The following SUMF1 variants were observed in gnomAD, a reference collection of about 807,000 sequenced individuals.
SUMF1 encodes the protein sulfatase modifying factor 1, also known as formylglycine-generating enzyme.
Under a neutral mutation model 47.6 loss-of-function variants are expected in SUMF1, and 48 were observed. The ratio of observed to expected loss-of-function variants is 1.01; its 90% CI spans 0.80 to 1.28. The LOEUF is 1.28. Ranked by LOEUF, SUMF1 falls within the 50% of genes most tolerant of loss-of-function variation. The pLI is 0.00. For missense variants in SUMF1, 571 were observed against 485.4 expected, an observed-to-expected ratio of 1.18 and a Z score of -1.66; for synonymous variants, 230 against 192.1, an observed-to-expected ratio of 1.20 and a Z score of -1.63.
At chr3:4,300,557 A>C (rs1697942487) in intron 8 of SUMF1, among the ~76,000 whole-genome samples, 1 of 152,224 alleles carries the variant, frequency 6.6e-6, no homozygotes, top group Non-Finnish European at 1.5e-5. Flanking sequence ...TCTCAAACCT[A>C]TTAATGCCAG....
intron 8 of SUMF1, among the ~76,000 whole-genome samples, chr3:4,170,405 C>A (rs1204782630): frequency 1.3e-5 from 2 of 152,176 alleles, no homozygotes; most frequent in Non-Finnish European, 2.9e-5. Context: ...GTATTTCTAA[C>A]AAGTTCCAAT....
intron 8 of SUMF1, among the ~76,000 whole-genome samples, chr3:4,141,615 A>G (rs558211151): frequency 2.6e-5 from 4 of 152,250 alleles, no homozygotes; most frequent in Admixed American, 1.3e-4. Flanking sequence ...GTGAGCTAAG[A>G]TCATGCCACT....
chr3:4,338,719 T>C (rs1370285172), intron 8 of SUMF1, among the ~76,000 whole-genome samples: 3 of 152,134 alleles, frequency 2.0e-5, no homozygotes, highest in Admixed American at 6.5e-5. Flanking sequence ...CTAGTACCTA[T>C]GTATATCTAG....
At chr3:4,252,373 CA>C (rs1407478616) in intron 8 of SUMF1, among the ~76,000 whole-genome samples, 4 of 142,506 alleles carry the variant, frequency 2.8e-5, no homozygotes, top group East Asian at 1.9e-4. Flanking sequence ...CACACACACA[CA>C]CACACCCCAC....
chr3:4,174,608 C>T (rs1694916632), intron 8 of SUMF1, among the ~76,000 whole-genome samples: 1 of 151,998 alleles, frequency 6.6e-6, no homozygotes, highest in Non-Finnish European at 1.5e-5. Flanking sequence ...TCTGCAGCTC[C>T]CAGCATGATC....
At chr3:4,364,455 G>A (rs950645727) in intron 8 of SUMF1, among the ~76,000 whole-genome samples, 2 of 147,216 alleles carry the variant, frequency 1.4e-5, no homozygotes, top group African/African-American at 5.0e-5. Context: ...AGTCTTGGGA[G>A]AGTGTATGTG....
chr3:4,391,842 T>TTTC (rs1700876388), intron 7 of SUMF1, among the ~76,000 whole-genome samples: 1 of 151,524 alleles, frequency 6.6e-6, no homozygotes, highest in Admixed American at 6.6e-5. Flanking sequence ...TTTTTTTTTT[T>TTTC]TTTGAGATAG....
At chr3:4,118,121 A>G (rs1294045722) in intron 8 of SUMF1, among the ~76,000 whole-genome samples, 1 of 152,040 alleles carries the variant, frequency 6.6e-6, no homozygotes, top group Non-Finnish European at 1.5e-5. Context: ...TTGCATAAGT[A>G]AATAGGACCC....
intron 8 of SUMF1, chr3:4,313,215 T>A (rs770355831): frequency 6.2e-7 from 1 of 1,613,952 alleles, no homozygotes; most frequent in Non-Finnish European, 8.5e-7. Flanking sequence ...CCTTGGAATT[T>A]ATACCGAAAG....
Position 4,035,279 on chromosome 3 carries a change from T to C in SUMF1, c.1191+33290A>G, listed in dbSNP as rs984823008. 1.2e-4 allele frequency among the ~76,000 whole-genome samples: 18 copies of C among 152,236 alleles called. 1 individual carries two copies. In the East Asian group the frequency reaches 3.5e-3, roughly 30 times the overall value. ...TGGAGGCTGGAAGTCTGAAATCAAG[T>C]GTTGGTAGGGCTAGATTCCACCTAA... On this transcript the variant is annotated intron_variant and NMD_transcript_variant, in intron 9 of 12. Transcript: ENST00000448413.
At chr3:4,136,994 A>G (rs1417751494) in intron 8 of SUMF1, among the ~76,000 whole-genome samples, 2 of 152,156 alleles carry the variant, frequency 1.3e-5, no homozygotes, top group Non-Finnish European at 2.9e-5. Context: ...GGGGATGTGG[A>G]GAAATAGGAA....
At chr3:4,066,510 A>C (rs1695378948) in intron 9 of SUMF1, among the ~76,000 whole-genome samples, 1 of 152,088 alleles carries the variant, frequency 6.6e-6, no homozygotes, top group Non-Finnish European at 1.5e-5. Flanking sequence ...TTCCTTTCTC[A>C]GGAAATCGAC....
intron 8 of SUMF1, among the ~76,000 whole-genome samples, chr3:4,342,888 C>G (rs908628424): frequency 1.3e-5 from 2 of 152,340 alleles, no homozygotes; most frequent in African/African-American, 4.8e-5. Context: ...AACCTCTTTC[C>G]TCTTTCTCCT....
chr3:4,229,171 G>T (rs2124980574), intron 8 of SUMF1: 1 of 210,080 alleles, frequency 4.8e-6, no homozygotes, highest in African/African-American at 2.4e-5. Flanking sequence ...AACACACTCT[G>T]TGTGGCCAAT....
intron 8 of SUMF1, among the ~76,000 whole-genome samples, chr3:4,340,301 C>G (rs1181714187): frequency 6.6e-6 from 1 of 152,174 alleles, no homozygotes; most frequent in Non-Finnish European, 1.5e-5. Context: ...AGCCTCAACC[C>G]ACATAACTTC....
intron 8 of SUMF1, among the ~76,000 whole-genome samples, chr3:4,277,577 T>C (rs1398518244): frequency 1.3e-5 from 2 of 151,928 alleles, no homozygotes; most frequent in South Asian, 2.1e-4. Context: ...TGAGGGAAAA[T>C]AGACACAGTA....
In SUMF1 at chr3:4,420,056, A is replaced by G. The variant is rs1701840834; in HGVS notation, c.602+8T>C. 6.2e-7 allele frequency: 1 copy of G among 1,613,588 alleles called. No homozygotes were observed. The highest frequency in any genetic ancestry group is 2.2e-5 in the East Asian group (1 of 44,872). ...CTTGTCAACTGGGGAAAGAGGGACC[A>G]GCCTCACCTGTGCAGAATAGTAGAG... is the stretch of plus-strand genomic sequence containing the variant. On this transcript the variant is annotated splice_region_variant and intron_variant, in intron 4 of 8. Coordinates refer to ENST00000272902, the MANE Select transcript of SUMF1 (RefSeq NM_182760.4).
intron 7 of SUMF1, among the ~76,000 whole-genome samples, chr3:4,408,440 C>T (rs1315679872): frequency 2.0e-5 from 3 of 152,042 alleles, no homozygotes; most frequent in Non-Finnish European, 2.9e-5. Flanking sequence ...TGTAACACTT[C>T]ATAATTAACT....
chr3:4,213,971 A>G (rs1695859880), intron 8 of SUMF1, among the ~76,000 whole-genome samples: 2 of 152,174 alleles, frequency 1.3e-5, no homozygotes, highest in South Asian at 4.1e-4. Flanking sequence ...GGAGACTTAA[A>G]CATCCCACTG....
Sources: gnomAD v4.1 joint callset for allele counts (sites outside exome capture counted in the v4.1 genomes callset) on GRCh38, gnomAD v4.1.1 for gene constraint, MANE v1.5 for transcripts, NCBI Gene and HGNC (gene_info 2026-07-23, HGNC 2026-07-21) for gene names.